CTNNA3: variants seen among roughly 807,000 people sequenced by gnomAD.
CTNNA3 encodes the protein catenin alpha-3.
CTNNA3 carries 76 observed loss-of-function variants against 95.7 expected under a neutral mutation model. The ratio of observed to expected loss-of-function variants is 0.79; its 90% confidence interval spans 0.66 to 0.96. CTNNA3 has a LOEUF of 0.96. CTNNA3 is among the 40% of genes least tolerant of loss of function. The probability of loss-of-function intolerance (pLI) is 0.00; values close to 1 mark genes in which losing one functional copy is unlikely to be tolerated. For synonymous variants in CTNNA3, 431 were observed against 374.4 expected (o/e 1.15, Z -1.74); for missense variants, 1,191 against 1,089.8 (o/e 1.09, Z -1.31).
intron 7 of CTNNA3, among the ~76,000 whole-genome samples, chr10:67,169,584 C>G (rs745469866): frequency 6.6e-6 from 1 of 152,018 alleles, no homozygotes; most frequent in Non-Finnish European, 1.5e-5. Flanking sequence ...CATGCACAGA[C>G]GATTGACTCT....
At chr10:66,517,490 CA>C (rs1357071851) in intron 11 of CTNNA3, among the ~76,000 whole-genome samples, 1 of 152,040 alleles carries the variant, frequency 6.6e-6, no homozygotes, top group African/African-American at 2.4e-5. Flanking sequence ...GACCTCTGCT[CA>C]TCCTCACTAC....
intron 1 of CTNNA3, among the ~76,000 whole-genome samples, chr10:67,683,958 A>T (rs1021066125): frequency 1.3e-5 from 2 of 152,230 alleles, no homozygotes; most frequent in South Asian, 4.1e-4. Flanking sequence ...ATTACAGCTC[A>T]TAAAGGTAAT....
chr10:66,670,472 G>T (rs1307817315), intron 9 of CTNNA3, among the ~76,000 whole-genome samples: 1 of 152,034 alleles, frequency 6.6e-6, no homozygotes, highest in Non-Finnish European at 1.5e-5. Flanking sequence ...ACTTTCCTTG[G>T]CTCAGCGTCC....
intron 7 of CTNNA3, chr10:66,928,046 A>C (rs749744178): frequency 4.3e-6 from 7 of 1,613,998 alleles, no homozygotes; most frequent in Non-Finnish European, 5.9e-6. Flanking sequence ...GCTCTCCCAA[A>C]GCCGACGTTT....
chr10:66,449,284 T>C (rs902317645), intron 11 of CTNNA3, among the ~76,000 whole-genome samples: 26 of 152,054 alleles, frequency 1.7e-4, no homozygotes, highest in Non-Finnish European at 2.4e-4. Context: ...GCATTATCCA[T>C]TTTTTGGTGT....
chr10:66,989,243 T>C (rs1589556040), intron 7 of CTNNA3, among the ~76,000 whole-genome samples: 2 of 152,142 alleles, frequency 1.3e-5, no homozygotes, highest in Admixed American at 1.3e-4. Context: ...TAGGGGTCAA[T>C]ATTTAACTCT....
intron 7 of CTNNA3, among the ~76,000 whole-genome samples, chr10:66,817,546 C>G (rs1842137471): frequency 6.6e-6 from 1 of 151,752 alleles, no homozygotes; most frequent in Admixed American, 6.6e-5. Flanking sequence ...CAACTACATG[C>G]CAACAAATTA....
intron 17 of CTNNA3, among the ~76,000 whole-genome samples, chr10:65,929,349 T>G (rs1243987983): frequency 6.6e-6 from 1 of 152,182 alleles, no homozygotes; most frequent in East Asian, 1.9e-4. Flanking sequence ...ATCAGTTTTA[T>G]AGTCGACAAC....
chr10:66,480,873 G>T (rs545023862), intron 11 of CTNNA3, among the ~76,000 whole-genome samples: 3 of 152,202 alleles, frequency 2.0e-5, no homozygotes, highest in African/African-American at 4.8e-5. Flanking sequence ...AAAGTGCTGG[G>T]ATTACAGGCG....
At chr10:67,406,458 C>T (rs1564629651) in intron 5 of CTNNA3, among the ~76,000 whole-genome samples, 2 of 152,096 alleles carry the variant, frequency 1.3e-5, no homozygotes, top group African/African-American at 2.4e-5. Context: ...TAAATTCCCA[C>T]ATCAAAATGT....
chr10:67,695,838 A>G (rs1430403381), intron 1 of CTNNA3, among the ~76,000 whole-genome samples, 162 bp downstream of exon 1: 2 of 152,218 alleles, frequency 1.3e-5, no homozygotes, highest in Non-Finnish European at 2.9e-5. Flanking sequence ...GTTTCTCATA[A>G]CTAGTCAAAA....
chr10:66,194,454 C>T (rs1014519013), intron 13 of CTNNA3, among the ~76,000 whole-genome samples: 1 of 152,090 alleles, frequency 6.6e-6, no homozygotes, highest in African/African-American at 2.4e-5. Flanking sequence ...GTGGCAGGCA[C>T]CTGTAATCCT....
chr10:66,482,600 T>C (rs1365382846), intron 11 of CTNNA3, among the ~76,000 whole-genome samples: 9 of 152,156 alleles, frequency 5.9e-5, no homozygotes. Context: ...AAGTATGCAC[T>C]AACAATTCAG....
chr10:66,006,713 C>A (rs1903876), intron 15 of CTNNA3, among the ~76,000 whole-genome samples: 117,279 of 151,982 alleles, frequency 0.77, 45,794 homozygotes, highest in East Asian at 0.92. Flanking sequence ...ATCAGACCAA[C>A]TTTTATAAGC....
At position 66,705,076 on chromosome 10, in the gene CTNNA3, G is replaced by C. The variant is rs1181647163; in HGVS notation, c.1281+61188C>G. 2.6e-5 allele frequency among the ~76,000 whole-genome samples: 4 copies of C among 151,962 alleles called. No individual in the cohort carries two copies. The South Asian group carries it at 8.3e-4, about 31-fold the overall frequency. On this transcript the variant is annotated intron_variant, in intron 9 of 17. Coordinates refer to ENST00000433211, the MANE Select transcript of CTNNA3 (RefSeq NM_013266.4). The stretch of plus-strand genomic sequence containing the variant: ...TTGAAGAAGTTTCTTTCCATTCCCA[G>C]TTTTTACTTTAGTTGAATTTGGTCA...
intron 9 of CTNNA3, among the ~76,000 whole-genome samples, chr10:66,653,791 T>C (rs1336321643): frequency 6.6e-6 from 1 of 151,992 alleles, no homozygotes; most frequent in Non-Finnish European, 1.5e-5. Context: ...AGTCCAAAAA[T>C]GAACCCATGT....
chr10:67,462,938 T>C (rs1434669025), intron 5 of CTNNA3, among the ~76,000 whole-genome samples: 2 of 151,200 alleles, frequency 1.3e-5, no homozygotes, highest in Non-Finnish European at 1.5e-5. Flanking sequence ...GGAGTCTCGC[T>C]CTGTCACCCA....
chr10:67,564,680 T>TATATATAA (rs1841687371), intron 3 of CTNNA3, among the ~76,000 whole-genome samples: 3 of 16,324 alleles, frequency 1.8e-4, no homozygotes, highest in Admixed American at 6.6e-4. Context: ...TGTGTGTGTA[T>TATATATAA]ATATATATAT....
At chr10:66,402,394 A>T (rs539066143) in intron 11 of CTNNA3, among the ~76,000 whole-genome samples, 1 of 141,734 alleles carries the variant, frequency 7.1e-6, no homozygotes, top group East Asian at 2.0e-4. Flanking sequence ...TTCAGTACCA[A>T]AAAGAGTGTC....
Sources: allele counts gnomAD v4.1 joint callset (sites outside exome capture counted in the v4.1 genomes callset), GRCh38; gene constraint gnomAD v4.1.1; transcripts MANE v1.5; gene names NCBI Gene and HGNC (gene_info 2026-07-23, HGNC 2026-07-21).